The following RUFY1 variants were observed in gnomAD, a reference collection of about 807,000 sequenced individuals.
RUFY1 encodes the protein RUN and FYVE domain containing 1, also known as RUN and FYVE domain-containing protein 1.
Under a neutral mutation model 94.6 loss-of-function variants are expected in RUFY1, and 54 were observed. The ratio of observed to expected loss-of-function variants is 0.57; its 90% confidence interval spans 0.46 to 0.72. The LOEUF is 0.72. RUFY1 is among the 30% of genes least tolerant of loss of function. The probability of loss-of-function intolerance (pLI) is 0.00; values close to 1 mark genes in which losing one functional copy is unlikely to be tolerated. For synonymous variants in RUFY1, 396 were observed against 347.3 expected (o/e 1.14, Z -1.56); for missense variants, 883 against 883.9 (o/e 1.00, Z 0.01).
At chr5:179,580,255 T>A (rs1470273981) in intron 6 of RUFY1, among the ~76,000 whole-genome samples, 4 of 56,082 alleles carry the variant, frequency 7.1e-5, no homozygotes, top group Admixed American at 2.1e-4. Context: ...ATTTTTTTTT[T>A]TTTTTGAGAC....
intron 9 of RUFY1, chr5:179,590,841 T>TC (rs1200310043): frequency 6.8e-6 from 1 of 148,130 alleles, no homozygotes; most frequent in Non-Finnish European, 1.5e-5. Context: ...CAATGTAACT[T>TC]TTTTTTTTTT....
intron 6 of RUFY1, among the ~76,000 whole-genome samples, chr5:179,578,467 C>T (rs1305118083): frequency 2.6e-5 from 4 of 151,992 alleles, no homozygotes; most frequent in Admixed American, 1.3e-4. Flanking sequence ...GATCCACCTG[C>T]GTCGGCCTCC....
intron 7 of RUFY1, among the ~76,000 whole-genome samples, chr5:179,581,275 C>T (rs541229461): frequency 1.3e-5 from 2 of 152,132 alleles, no homozygotes; most frequent in African/African-American, 2.4e-5. Context: ...CTCCATTCCT[C>T]GCCCCACAGC....
chr5:179,551,302 C>T (rs1581403656), intron 1 of RUFY1, among the ~76,000 whole-genome samples: 1 of 152,240 alleles, frequency 6.6e-6, no homozygotes, highest in African/African-American at 2.4e-5. Flanking sequence ...TCACCTCTGC[C>T]TGTGAGATGG....
chr5:179,583,658 C>T (rs1261889066), intron 7 of RUFY1, among the ~76,000 whole-genome samples: 6 of 151,090 alleles, frequency 4.0e-5, no homozygotes, highest in South Asian at 2.1e-4. Flanking sequence ...CCACGTGATC[C>T]GCCCGCCTCG....
intron 1 of RUFY1, among the ~76,000 whole-genome samples, chr5:179,555,378 T>A (rs1581412512): frequency 2.0e-5 from 3 of 152,278 alleles, no homozygotes; most frequent in Admixed American, 2.0e-4. Context: ...ATGTGAATAG[T>A]TTGGCCAAGG....
Position 179,587,549 on chromosome 5 carries a change from G to A in RUFY1, c.1026+1684G>A, listed in dbSNP as rs371930374. 6.8e-3 allele frequency among the ~76,000 whole-genome samples: 777 copies of A among 114,846 alleles called. 8 individuals are homozygous for A. Among genetic ancestry groups the A allele is most frequent in the African/African-American group, 0.025 (757 of 30,170 alleles). The allele number at this position is 114,846 out of a possible 152,430, so 75.3% of individuals were successfully genotyped here. A position where few individuals can be genotyped will look rare whatever the true frequency, so the allele number is the denominator to read the frequency against. ...TGGGACTACAGGCGCCCGCCACCACGCCCGGCTAAATTTTTTTTTTTTTTT... is the reference window on the plus strand; with the variant it reads ...TGGGACTACAGGCGCCCGCCACCACACCCGGCTAAATTTTTTTTTTTTTTT... On this transcript the variant is annotated intron_variant, in intron 8 of 17. Transcript: ENST00000319449.
chr5:179,553,776 C>CGA (rs967976759), intron 1 of RUFY1, among the ~76,000 whole-genome samples: 4 of 152,072 alleles, frequency 2.6e-5, no homozygotes, highest in Non-Finnish European at 4.4e-5. Context: ...GGCAACAGAA[C>CGA]GAGACTATCT....
In RUFY1 at chr5:179,609,607, T is replaced by A. The variant is rs8087; in HGVS notation, c.*88T>A. 778,745 of 1,268,750 alleles carry A rather than the reference T, an allele frequency of 0.61. 245,536 individuals carry two copies. The highest frequency in any genetic ancestry group is 0.65 in the Non-Finnish European group (617,836 of 954,256). The allele number at this position is 1,268,750 out of a possible 1,614,324, so 78.6% of individuals were successfully genotyped here. A position where few individuals can be genotyped will look rare whatever the true frequency, so the allele number is the denominator to read the frequency against. ...TGGGAAATGTGTTCTTTCCCAAGAG[T>A]ATCAAAGGAAAGAATCAAATTTCTT... On this transcript the variant is annotated 3_prime_UTR_variant, in exon 18 of 18. Coordinates refer to ENST00000319449, the MANE Select transcript of RUFY1 (RefSeq NM_025158.5).
chr5:179,590,821 A>T (rs192346641), intron 9 of RUFY1: 1 of 147,894 alleles, frequency 6.8e-6, no homozygotes, highest in Admixed American at 6.8e-5. Context: ...TTAAATTTAA[A>T]TTGCTTTATC....
intron 8 of RUFY1, chr5:179,586,506 C>A (rs1764615435): frequency 2.2e-6 from 1 of 452,802 alleles, no homozygotes; most frequent in Non-Finnish European, 4.4e-6. Flanking sequence ...AGGCCTCCCA[C>A]CTAGAAGGAC....
chr5:179,583,171 G>A (rs573095193), intron 7 of RUFY1, among the ~76,000 whole-genome samples: 13 of 151,550 alleles, frequency 8.6e-5, no homozygotes, highest in East Asian at 4.0e-4. Flanking sequence ...GCATGGTGGC[G>A]GGCATCTGTA....
chr5:179,560,142 C>A lies in RUFY1; in HGVS notation c.428C>A (p.Ala143Asp), dbSNP rs765445647. The change falls in exon 2 of 18, where the codon GCC (alanine) becomes GAC (aspartate). Residue 143 changes from alanine (A) to aspartate (D), a missense_variant. Physicochemically the swap from Ala to Asp is moderately radical, Grantham distance 126 (BLOSUM62 -2). Transcript: ENST00000319449. ...SLGRSLDADH[A>D]PLQQFFVVME... is the part of the protein sequence containing the mutation. ...GGCCGCAGCCTGGATGCGGACCATG[C>A]CCCCTTGCAGCAGTTCTTTGTAGTG... 6.2e-7 allele frequency: 1 copy of A among 1,613,986 alleles called. No individual in the cohort carries two copies. Among genetic ancestry groups the A allele is most frequent in the Non-Finnish European group, 8.5e-7 (1 of 1,179,970 alleles).
Position 179,609,344 on chromosome 5 carries a change from TGTCCTGTGACCGCCTTCTTCCC to T in RUFY1, c.1984-24_1984-3del. ...GGTGTGCGGATGGCTTTTCCCCGGGTGTCCTGTGACCGCCTTCTTCCCGTCCTGTAGCACCACTGCCGGAACT... is the reference window on the plus strand; with the variant it reads ...GGTGTGCGGATGGCTTTTCCCCGGGTGTCCTGTAGCACCACTGCCGGAACT... On this transcript the variant is annotated splice_polypyrimidine_tract_variant and intron_variant, in intron 17 of 17. Transcript: ENST00000319449. 1 of 1,604,952 alleles carries T rather than the reference TGTCCTGTGACCGCCTTCTTCCC, an allele frequency of 6.2e-7. No homozygotes were observed.
chr5:179,560,356 C>G (rs751120951), intron 2 of RUFY1, among the ~76,000 whole-genome samples, 158 bp downstream of exon 2: 9 of 152,172 alleles, frequency 5.9e-5, no homozygotes, highest in Non-Finnish European at 1.3e-4. Context: ...TAGAGCAGCG[C>G]TGGCCAATAG....
At chr5:179,583,455 C>T (rs539617958) in intron 7 of RUFY1, among the ~76,000 whole-genome samples, 2 of 148,826 alleles carry the variant, frequency 1.3e-5, no homozygotes, top group African/African-American at 4.9e-5. Context: ...TTTGCTCTGT[C>T]GCCCAGGCTG....
At position 179,577,159 on chromosome 5, in the gene RUFY1, CTTTTTTTTTT is replaced by C. The variant is rs748319712; in HGVS notation, c.890+44_890+53del. On this transcript the variant is annotated intron_variant, in intron 6 of 17. Coordinates refer to ENST00000319449, the MANE Select transcript of RUFY1 (RefSeq NM_025158.5). The stretch of plus-strand genomic sequence containing the variant: ...GGAGTAAGTACTGCGTTGTATGTCA[CTTTTTTTTTT>C]TTTTTTTTTTTTTTTTTTTTGAGAC... 150 of 186,648 alleles carry C rather than the reference CTTTTTTTTTT, an allele frequency of 8.0e-4. 1 individual carries two copies. Among genetic ancestry groups the C allele is most frequent in the Middle Eastern group, 3.3e-3 (2 of 604 alleles). The allele number at this position is 186,648 out of a possible 1,614,324, so 11.6% of individuals were successfully genotyped here.
chr5:179,561,233 T>TA (rs1561966119), intron 2 of RUFY1, among the ~76,000 whole-genome samples: 19 of 151,030 alleles, frequency 1.3e-4, no homozygotes, highest in East Asian at 9.7e-4. Context: ...ATAAATAAAT[T>TA]AATTAATTAA....
At chr5:179,608,695 A>C (rs1767368766) in intron 17 of RUFY1, 1 of 915,084 alleles carries the variant, frequency 1.1e-6, no homozygotes, top group Non-Finnish European at 1.3e-6. Flanking sequence ...TGGGAGGCTG[A>C]GGTGGGTGGA....
Sources: gnomAD v4.1 joint callset for allele counts (sites outside exome capture counted in the v4.1 genomes callset) on GRCh38, gnomAD v4.1.1 for gene constraint, MANE v1.5 for transcripts, NCBI Gene and HGNC (gene_info 2026-07-23, HGNC 2026-07-21) for gene names.